ESF1: variants seen among roughly 807,000 people sequenced by gnomAD.
ESF1 encodes the protein ESF1 nucleolar pre-rRNA processing protein.
ESF1 carries 58 observed loss-of-function variants against 92.0 expected under a neutral mutation model. The ratio of observed to expected loss-of-function variants is 0.63; its 90% CI spans 0.51 to 0.78. The LOEUF (loss-of-function observed/expected upper bound fraction) is 0.78, where lower values mean the gene tolerates loss of function less well. Among genes scored for constraint, ESF1 ranks in the 30% least tolerant of loss-of-function variants. The pLI, the probability that ESF1 is intolerant of heterozygous loss-of-function variation, is 0.00. For missense variants in ESF1, 922 were observed against 989.1 expected (o/e 0.93, Z 0.91); for synonymous variants, 321 against 313.7 (o/e 1.02, Z -0.24).
chr20:13,748,592 A>ATATATATATTTT (rs1331098586), intron 9 of ESF1, among the ~76,000 whole-genome samples: 4 of 95,724 alleles, frequency 4.2e-5, no homozygotes, highest in African/African-American at 2.6e-4. Flanking sequence ...ATATATATAT[A>ATATATATATTTT]TTTTTTTTTT....
At chr20:13,749,737 T>C (rs1378698685) in intron 9 of ESF1, among the ~76,000 whole-genome samples, 1 of 151,800 alleles carries the variant, frequency 6.6e-6, no homozygotes, top group African/African-American at 2.4e-5. Context: ...GGCTAATTTT[T>C]TGTATTTTTA....
rs147594547 is a variant in ESF1, at chr20:13,767,042, T to A, written c.1519-118A>T. ...ACAGTAAGTTAAAAGTTAAGACACA[T>A]TAAAACAAATACATGAATGATATGA... On this transcript the variant is annotated intron_variant, in intron 7 of 13. Transcript: ENST00000617257. The A allele has an allele frequency of 3.2e-4, 280 of 867,106 alleles. 1 individual carries two copies. The African/African-American group carries it at 4.2e-3, about 13-fold the overall frequency. The allele number at this position is 867,106 out of a possible 1,614,324, so 53.7% of individuals were successfully genotyped here.
At chr20:13,721,601 G>A (rs1568708297) in intron 11 of ESF1, among the ~76,000 whole-genome samples, 1 of 152,136 alleles carries the variant, frequency 6.6e-6, no homozygotes, top group Non-Finnish European at 1.5e-5. Flanking sequence ...AGCTAATGGG[G>A]TAACATGATA....
In ESF1 at chr20:13,738,881, T is replaced by C. The variant is rs764433082; in HGVS notation, c.1829-5039A>G. 7.2e-5 allele frequency among the ~76,000 whole-genome samples: 11 copies of C among 151,958 alleles called. 1 individual carries two copies. The highest frequency in any genetic ancestry group is 5.9e-4 in the Admixed American group (9 of 15,252). ...AAAAGAAAAAAATGAGTCAAATTTGTTCCCAACCTTACAGACTAGGAACAA... is the reference window on the plus strand; with the variant it reads ...AAAAGAAAAAAATGAGTCAAATTTGCTCCCAACCTTACAGACTAGGAACAA... On this transcript the variant is annotated intron_variant, in intron 9 of 13. Coordinates refer to ENST00000617257, the MANE Select transcript of ESF1 (RefSeq NM_001276380.2).
intron 9 of ESF1, among the ~76,000 whole-genome samples, chr20:13,743,322 G>T (rs1019629540): frequency 1.8e-4 from 28 of 152,238 alleles, no homozygotes; most frequent in African/African-American, 6.3e-4. Context: ...CAGCATGGAG[G>T]TTCCTCAAAA....
chr20:13,716,836 T>TTTTTTTTA (rs1350114095), intron 13 of ESF1, among the ~76,000 whole-genome samples: 1 of 108,758 alleles, frequency 9.2e-6, no homozygotes, highest in Non-Finnish European at 1.9e-5. Flanking sequence ...TTTTTTTTTT[T>TTTTTTTTA]AGACAGAGTC....
In ESF1 at chr20:13,782,741, A is replaced by G; in HGVS notation, c.400T>C (p.Ser134Pro). ...GSENKTDLDNSIGIKKMKTSC... is the reference protein window; with the variant it reads ...GSENKTDLDNPIGIKKMKTSC... Reference sequence around the variant, plus strand: ...GTTTTCATTTTTTTAATTCCTATAGAATTATCTAAATCAGTTTTATTTTCA... The same window carrying G: ...GTTTTCATTTTTTTAATTCCTATAGGATTATCTAAATCAGTTTTATTTTCA... Residue 134 changes from serine to proline, a missense_variant, in exon 2 of 14, where the codon TCT becomes CCT. By Grantham distance (74) the Ser-to-Pro change is moderately conservative (BLOSUM62 -1). Coordinates refer to ENST00000617257, the MANE Select transcript of ESF1 (RefSeq NM_001276380.2). The G allele has an allele frequency of 6.3e-7, 1 of 1,594,004 alleles. No individual in the cohort carries two copies. Among genetic ancestry groups the G allele is most frequent in the Non-Finnish European group, 8.5e-7 (1 of 1,174,326 alleles).
At chr20:13,757,506 C>T (rs553098416) in intron 9 of ESF1, among the ~76,000 whole-genome samples, 2 of 152,148 alleles carry the variant, frequency 1.3e-5, no homozygotes, top group Non-Finnish European at 2.9e-5. Context: ...TCAGGTGATC[C>T]TACCACCTCA....
intron 4 of ESF1, among the ~76,000 whole-genome samples, chr20:13,774,299 A>T (rs1979826126): frequency 6.6e-6 from 1 of 152,206 alleles, no homozygotes; most frequent in African/African-American, 2.4e-5. Context: ...AAACTTTTTG[A>T]CTGTCAACGT....
At chr20:13,774,357 C>G (rs927959892) in intron 4 of ESF1, among the ~76,000 whole-genome samples, 1 of 152,128 alleles carries the variant, frequency 6.6e-6, no homozygotes, top group Non-Finnish European at 1.5e-5. Flanking sequence ...TTTGGAATTG[C>G]GATGCTCATC....
chr20:13,745,325 T>C (rs1029189517), intron 9 of ESF1, among the ~76,000 whole-genome samples: 6 of 152,174 alleles, frequency 3.9e-5, no homozygotes, highest in Non-Finnish European at 7.3e-5. Context: ...AAATAAAGTA[T>C]AATAATGAGC....
chr20:13,759,823 C>T lies in ESF1; in HGVS notation c.1697G>A (p.Gly566Glu). Residue 566 changes from glycine (G) to glutamate (E), a missense_variant, in exon 9 of 14, where the codon GGG (glycine) becomes GAG (glutamate). By Grantham distance (98) the Gly-to-Glu change is moderately conservative. Coordinates refer to ENST00000617257, the MANE Select transcript of ESF1 (RefSeq NM_001276380.2). ...GDDGVNVEED[G>E]KTKKSQKDDE... ...ATCCTTCTGACTTTTCTTTGTTTTC[C>T]CATCTTCTTCTACATTGACTCCATC... 6.3e-7 allele frequency: 1 copy of T among 1,597,916 alleles called. No individual in the cohort carries two copies. The highest frequency in any genetic ancestry group is 2.3e-5 in the East Asian group (1 of 43,984).
At chr20:13,737,530 T>C (rs1054968357) in intron 9 of ESF1, among the ~76,000 whole-genome samples, 2 of 152,220 alleles carry the variant, frequency 1.3e-5, no homozygotes, top group Non-Finnish European at 2.9e-5. Flanking sequence ...ATTTCTGATA[T>C]AGGCTGAAAC....
At chr20:13,737,452 C>T (rs1218143560) in intron 9 of ESF1, among the ~76,000 whole-genome samples, 1 of 152,134 alleles carries the variant, frequency 6.6e-6, no homozygotes, top group Admixed American at 6.6e-5. Flanking sequence ...AGGAGATGAA[C>T]AACTTAAAAT....
intron 8 of ESF1, among the ~76,000 whole-genome samples, chr20:13,761,781 A>G (rs1040435227): frequency 1.2e-4 from 19 of 152,384 alleles, no homozygotes; most frequent in African/African-American, 4.6e-4. Flanking sequence ...ATTCACAGGC[A>G]ACAAATACCC....
intron 3 of ESF1, 83 bp downstream of exon 3, chr20:13,775,790 A>T: frequency 6.8e-7 from 1 of 1,466,434 alleles, no homozygotes; most frequent in Non-Finnish European, 9.1e-7. Context: ...AGCTTTTCCC[A>T]CTTAATGACA....
At chr20:13,781,748 TGAC>T (rs1980200451) in intron 2 of ESF1, among the ~76,000 whole-genome samples, 1 of 152,344 alleles carries the variant, frequency 6.6e-6, no homozygotes, top group African/African-American at 2.4e-5. Flanking sequence ...CTGAGATGGG[TGAC>T]GACGCCTTAC....
intron 8 of ESF1, among the ~76,000 whole-genome samples, chr20:13,760,316 C>T (rs1037933539): frequency 2.6e-5 from 4 of 151,140 alleles, no homozygotes; most frequent in African/African-American, 9.8e-5. Flanking sequence ...TGAGGAGCGC[C>T]TCTTCCCGGC....
At chr20:13,717,249 T>G in intron 13 of ESF1, 119 bp downstream of exon 13, 1 of 1,234,874 alleles carries the variant, frequency 8.1e-7, no homozygotes, top group South Asian at 1.4e-5. Flanking sequence ...CGTGAGCCAC[T>G]GCACCGGGCC....
Sources: allele counts gnomAD v4.1 joint callset (sites outside exome capture counted in the v4.1 genomes callset), GRCh38; gene constraint gnomAD v4.1.1; transcripts MANE v1.5; gene names NCBI Gene and HGNC (gene_info 2026-07-23, HGNC 2026-07-21).